Variants in PDE1A observed in about 807,000 individuals in gnomAD.
PDE1A encodes the protein phosphodiesterase 1A.
A neutral mutation model predicts 61.7 loss-of-function variants in PDE1A; 35 were observed. That is an observed-to-expected ratio of 0.57 (90% CI 0.43 to 0.75). The LOEUF (loss-of-function observed/expected upper bound fraction) is 0.75, where lower values mean the gene tolerates loss of function less well. Ranked by LOEUF, PDE1A falls within the 30% of genes least tolerant of loss-of-function variation. The pLI is 0.00. For synonymous variants in PDE1A, 232 were observed against 213.2 expected (o/e 1.09, Z -0.77); for missense variants, 597 against 630.6 (o/e 0.95, Z 0.57).
At chr2:182,224,443 G>A (rs1574069771) in intron 6 of PDE1A, among the ~76,000 whole-genome samples, 1 of 151,824 alleles carries the variant, frequency 6.6e-6, no homozygotes, top group East Asian at 1.9e-4. Context: ...TCATTTTCAT[G>A]TTTAGAGATT....
intron 2 of PDE1A, among the ~76,000 whole-genome samples, chr2:182,512,199 T>C (rs1177556492): frequency 6.6e-6 from 1 of 152,082 alleles, no homozygotes; most frequent in Non-Finnish European, 1.5e-5. Flanking sequence ...TTTCTCCCCA[T>C]CAGAATGTTG....
chr2:182,393,224 C>A (rs985178147), intron 1 of PDE1A, among the ~76,000 whole-genome samples: 1 of 152,214 alleles, frequency 6.6e-6, no homozygotes. Context: ...TGCAGCCACA[C>A]GCCCAACACC....
chr2:182,212,886 C>G (rs6726121), intron 7 of PDE1A, among the ~76,000 whole-genome samples: 1 of 151,684 alleles, frequency 6.6e-6, no homozygotes, highest in African/African-American at 2.4e-5. Context: ...ACAAAGCAGC[C>G]GGGAAGCTCG....
intron 13 of PDE1A, among the ~76,000 whole-genome samples, chr2:182,160,415 G>A (rs938275964): frequency 6.6e-6 from 1 of 152,126 alleles, no homozygotes; most frequent in Non-Finnish European, 1.5e-5. Context: ...AGGGATGTAG[G>A]TAAAGCAATG....
the PDE1A span, among the ~76,000 whole-genome samples, chr2:182,615,108 C>T: frequency 6.6e-6 from 1 of 152,140 alleles, no homozygotes; most frequent in African/African-American, 2.4e-5. Context: ...TCACCATTTC[C>T]TAAGACTATG....
intron 10 of PDE1A, 144 bp downstream of exon 10, chr2:182,201,295 A>C (rs894651212): frequency 3.3e-6 from 3 of 906,688 alleles, no homozygotes; most frequent in South Asian, 1.7e-5. Context: ...TAGACTAATA[A>C]ATTTTGCTGA....
the PDE1A span, among the ~76,000 whole-genome samples, chr2:182,615,017 G>A: frequency 3.9e-5 from 6 of 152,056 alleles, no homozygotes; most frequent in Non-Finnish European, 7.4e-5. Context: ...TATACACTCC[G>A]TTAGTCAGAA....
the PDE1A span, among the ~76,000 whole-genome samples, chr2:182,638,628 A>G: frequency 6.6e-6 from 1 of 152,254 alleles, no homozygotes; most frequent in Non-Finnish European, 1.5e-5. Context: ...TAAATGGGAA[A>G]AAGCCCATTA....
intron 2 of PDE1A, among the ~76,000 whole-genome samples, chr2:182,243,710 G>C (rs1690736245): frequency 1.3e-5 from 2 of 152,164 alleles, no homozygotes; most frequent in Non-Finnish European, 2.9e-5. Flanking sequence ...ATGGTGTTTT[G>C]AGTTTAGTTA....
chr2:182,255,428 T>A (rs368758949), intron 2 of PDE1A, among the ~76,000 whole-genome samples: 1 of 152,162 alleles, frequency 6.6e-6, no homozygotes, highest in East Asian at 1.9e-4. Context: ...TGATTAAACA[T>A]AAAGAGTTTG....
chr2:182,697,713 A>G, the PDE1A span, among the ~76,000 whole-genome samples: 5 of 152,180 alleles, frequency 3.3e-5, no homozygotes, highest in African/African-American at 1.2e-4. Flanking sequence ...CTTCTCTGCT[A>G]TAGGCAGATC....
the PDE1A span, among the ~76,000 whole-genome samples, chr2:182,578,575 C>T: frequency 2.6e-5 from 4 of 152,086 alleles, no homozygotes; most frequent in Non-Finnish European, 1.5e-5. Context: ...GCAAAGAGGA[C>T]AGGGGCCCTG....
the PDE1A span, among the ~76,000 whole-genome samples, chr2:182,679,297 C>A: frequency 6.6e-6 from 1 of 151,202 alleles, no homozygotes; most frequent in East Asian, 1.9e-4. Flanking sequence ...CATTCTCCAG[C>A]CTTAGCCTCC....
the PDE1A span, among the ~76,000 whole-genome samples, chr2:182,578,168 A>G: frequency 6.6e-6 from 1 of 152,208 alleles, no homozygotes; most frequent in Non-Finnish European, 1.5e-5. Flanking sequence ...GAACCTCTAT[A>G]ATAAAGCATA....
At chr2:182,508,306 A>C (rs1689547616) in intron 2 of PDE1A, among the ~76,000 whole-genome samples, 1 of 152,100 alleles carries the variant, frequency 6.6e-6, no homozygotes, top group Non-Finnish European at 1.5e-5. Context: ...AGCCTAAAAC[A>C]TTCCATCAAA....
chr2:182,368,011 G>A (rs572668353), intron 1 of PDE1A, among the ~76,000 whole-genome samples: 6 of 151,996 alleles, frequency 3.9e-5, no homozygotes, highest in Non-Finnish European at 5.9e-5. Flanking sequence ...AAGGAGAGAG[G>A]TTAATATAAT....
chr2:182,234,144 T>C (rs1689811685), intron 4 of PDE1A, among the ~76,000 whole-genome samples: 2 of 152,140 alleles, frequency 1.3e-5, no homozygotes, highest in Admixed American at 6.6e-5. Flanking sequence ...CATTTCAAAA[T>C]GAATTCAAGA....
the PDE1A span, among the ~76,000 whole-genome samples, chr2:182,673,752 A>G: frequency 2.5e-4 from 38 of 151,698 alleles, no homozygotes; most frequent in African/African-American, 9.2e-4. Flanking sequence ...CCAAATTTCT[A>G]AGATATATGC....
intron 1 of PDE1A, among the ~76,000 whole-genome samples, chr2:182,353,678 G>T (rs1699017987): frequency 6.6e-6 from 1 of 151,976 alleles, no homozygotes; most frequent in Non-Finnish European, 1.5e-5. Flanking sequence ...GTTTATATTT[G>T]TAATATAAAA....
Sources: gnomAD v4.1 joint callset for allele counts (sites outside exome capture counted in the v4.1 genomes callset) on GRCh38, gnomAD v4.1.1 for gene constraint, MANE v1.5 for transcripts, NCBI Gene and HGNC (gene_info 2026-07-23, HGNC 2026-07-21) for gene names.